The following ACSL5 variants were observed in gnomAD, a reference collection of about 807,000 sequenced individuals.
The protein encoded by ACSL5 is acyl-CoA synthetase long chain family member 5.
Under a neutral mutation model 84.9 loss-of-function variants are expected in ACSL5, and 50 were observed. That is an observed-to-expected ratio of 0.59 (90% CI 0.47 to 0.75). The LOEUF is 0.75. Ranked by LOEUF, ACSL5 falls within the 30% of genes least tolerant of loss-of-function variation. The probability of loss-of-function intolerance (pLI) is 0.00; values close to 1 mark genes in which losing one functional copy is unlikely to be tolerated. For missense variants in ACSL5, 775 were observed against 830.4 expected (o/e 0.93, Z 0.82); for synonymous variants, 280 against 300.7 (o/e 0.93, Z 0.71).
At chr10:112,414,635 T>C (rs1844273861) in intron 12 of ACSL5, among the ~76,000 whole-genome samples, 1 of 152,032 alleles carries the variant, frequency 6.6e-6, no homozygotes. Flanking sequence ...TAGTCTTTCT[T>C]CTTGATCTTC....
Position 112,425,333 on chromosome 10 carries a change from T to G in ACSL5, c.1594-5T>G. The G allele has an allele frequency of 6.2e-7, 1 of 1,609,642 alleles. No homozygotes were observed. The highest frequency in any genetic ancestry group is 2.2e-5 in the East Asian group (1 of 44,548). On this transcript the variant is annotated splice_region_variant and splice_polypyrimidine_tract_variant and intron_variant, in intron 17 of 20. Coordinates refer to ENST00000354655, the MANE Select transcript of ACSL5 (RefSeq NM_203379.2). The stretch of plus-strand genomic sequence containing the variant: ...AATACTGATACTTTTATCTGTCTCA[T>G]GTAGAATGGAACTCTGAAGATCATC...
intron 1 of ACSL5, among the ~76,000 whole-genome samples, chr10:112,387,877 CA>C (rs986126428): frequency 4.2e-5 from 6 of 144,556 alleles, no homozygotes; most frequent in Non-Finnish European, 7.6e-5. Context: ...TATTATTGCA[CA>C]AAAAAATAAT....
intron 3 of ACSL5, among the ~76,000 whole-genome samples, chr10:112,399,212 C>G (rs992976892): frequency 6.6e-6 from 1 of 152,216 alleles, no homozygotes; most frequent in Non-Finnish European, 1.5e-5. Flanking sequence ...AGGTTTGAAA[C>G]CTGGTTCTTC....
At chr10:112,409,404 C>T in intron 6 of ACSL5, 103 bp from the exon 7 acceptor site, 1 of 968,966 alleles carries the variant, frequency 1.0e-6, no homozygotes, top group Non-Finnish European at 1.6e-6. Flanking sequence ...CTCCTTTGGA[C>T]ACCTGTTAGC....
chr10:112,424,323 T>C (rs1275780408), intron 17 of ACSL5: 1 of 152,206 alleles, frequency 6.6e-6, no homozygotes, highest in African/African-American at 2.4e-5. Flanking sequence ...GCTGGGGAAG[T>C]GGGAATGTCA....
rs767909072 is a variant in ACSL5, at chr10:112,410,646, A to G, written c.796+11A>G. On this transcript the variant is annotated intron_variant, in intron 9 of 20. Transcript: ENST00000354655. ...CCAGTGGGACCACAGGTCTGTGCCCATGAAACTGAACCTTAGACCCCTGGT... is the reference window on the plus strand; with the variant it reads ...CCAGTGGGACCACAGGTCTGTGCCCGTGAAACTGAACCTTAGACCCCTGGT... The G allele has an allele frequency of 1.1e-5, 18 of 1,612,000 alleles. No individual in the cohort carries two copies. Among genetic ancestry groups the G allele is most frequent in the South Asian group, 6.6e-5 (6 of 90,706 alleles).
Position 112,409,634 on chromosome 10 carries a change from G to T in ACSL5, c.660G>T (p.Lys220Asn), listed in dbSNP as rs1564739225. 6.8e-6 allele frequency: 11 copies of T among 1,614,180 alleles called. No individual in the cohort carries two copies. The highest frequency in any genetic ancestry group is 9.3e-6 in the Non-Finnish European group (11 of 1,180,006). ...ILMDPFDDDL[K>N]QRGEKSGIEI... is the part of the protein sequence containing the mutation. ...TGGACCCCTTTGATGATGACCTGAA[G>T]CAAAGAGGGGAGAAGAGTGGAATTG... Residue 220 changes from lysine (K) to asparagine (N), a missense_variant, in exon 7 of 21, where the codon AAG (lysine) becomes AAT (asparagine). Transcript: ENST00000354655.
intron 1 of ACSL5, chr10:112,376,544 G>C: frequency 6.4e-7 from 1 of 1,551,912 alleles, no homozygotes; most frequent in Non-Finnish European, 8.8e-7. Context: ...CTTTCTTTAA[G>C]CGACTTAGAA....
chr10:112,419,702 T>C (rs1388871174), intron 14 of ACSL5: 2 of 152,212 alleles, frequency 1.3e-5, no homozygotes, highest in Non-Finnish European at 2.9e-5. Flanking sequence ...GTTGGAAACA[T>C]TTTTCCTGGT....
intron 3 of ACSL5, among the ~76,000 whole-genome samples, chr10:112,403,524 G>A (rs1480326836): frequency 6.6e-6 from 1 of 152,304 alleles, no homozygotes; most frequent in African/African-American, 2.4e-5. Flanking sequence ...AACCTCAGGT[G>A]ATCTGCCCGC....
chr10:112,404,532 A>G lies in ACSL5; in HGVS notation c.287A>G (p.Tyr96Cys). 1 of 1,613,748 alleles carries G rather than the reference A, an allele frequency of 6.2e-7. No homozygotes were observed. The highest frequency in any genetic ancestry group is 8.5e-7 in the Non-Finnish European group (1 of 1,179,676). The change falls in exon 4 of 21, where the codon TAT (tyrosine) becomes TGT (cysteine). Residue 96 changes from tyrosine (Y) to cysteine (C), a missense_variant. Transcript: ENST00000354655. ...AVSDNGPCLG[Y>C]RKPNQPYRWL... ...TTAGACAATGGGCCCTGCTTGGGAT[A>G]TAGAAAACCAAACCAGCCCTACAGA...
At chr10:112,417,750 T>TGA (rs1035558067) in intron 13 of ACSL5, 96 bp from the exon 14 acceptor site, 219 of 928,778 alleles carry the variant, frequency 2.4e-4, no homozygotes, top group Admixed American at 1.7e-4. Flanking sequence ...TTAATTCTCA[T>TGA]AACAACGCTG....
At position 112,421,744 on chromosome 10, in the gene ACSL5, A is replaced by G. The variant is rs989228250; in HGVS notation, c.1387+79A>G. On this transcript the variant is annotated intron_variant, in intron 15 of 20. Transcript: ENST00000354655. ...ACTGAACTAGGACTTTGGAGTTTAGATAACTTCAGTTCTCTGGACTAATGT... is the reference window on the plus strand; with the variant it reads ...ACTGAACTAGGACTTTGGAGTTTAGGTAACTTCAGTTCTCTGGACTAATGT... 4 of 1,464,998 alleles carry G rather than the reference A, an allele frequency of 2.7e-6. No homozygotes were observed. The African/African-American group carries it at 4.2e-5, about 15-fold the overall frequency. The allele number at this position is 1,464,998 out of a possible 1,614,324, so 90.7% of individuals were successfully genotyped here.
At chr10:112,411,572 T>C (rs746949040) in intron 10 of ACSL5, 43 bp downstream of exon 10, 43 of 1,561,128 alleles carry the variant, frequency 2.8e-5, no homozygotes, top group Middle Eastern at 1.7e-4. Flanking sequence ...AAAATGTGAA[T>C]CTGTCATAAG....
At chr10:112,404,679 T>C (rs1843988849) in intron 4 of ACSL5, 26 bp from the exon 5 acceptor site, 6 of 1,608,090 alleles carry the variant, frequency 3.7e-6, no homozygotes, top group Non-Finnish European at 5.1e-6. Flanking sequence ...TCTCTCTCTC[T>C]CTCACCCCAT....
At chr10:112,388,455 T>G (rs940652862) in intron 1 of ACSL5, among the ~76,000 whole-genome samples, 4 of 152,184 alleles carry the variant, frequency 2.6e-5, no homozygotes. Context: ...GAATGACTTC[T>G]TATGATCTAA....
chr10:112,398,460 A>G (rs983297822), intron 2 of ACSL5, among the ~76,000 whole-genome samples: 2 of 151,170 alleles, frequency 1.3e-5, no homozygotes, highest in African/African-American at 4.9e-5. Flanking sequence ...GCTGGAGTGC[A>G]GTGGCGCGAT....
intron 1 of ACSL5, among the ~76,000 whole-genome samples, chr10:112,394,273 G>T (rs1843700182): frequency 6.6e-6 from 1 of 152,218 alleles, no homozygotes; most frequent in African/African-American, 2.4e-5. Context: ...TTGCCTCACA[G>T]TAAAATGATT....
chr10:112,414,490 G>A (rs1844271020), intron 12 of ACSL5, among the ~76,000 whole-genome samples: 1 of 151,676 alleles, frequency 6.6e-6, no homozygotes, highest in Non-Finnish European at 1.5e-5. Flanking sequence ...TGAGAGCTGG[G>A]ATTATAGGCG....
Sources: allele counts gnomAD v4.1 joint callset (sites outside exome capture counted in the v4.1 genomes callset), GRCh38; gene constraint gnomAD v4.1.1; transcripts MANE v1.5; gene names NCBI Gene and HGNC (gene_info 2026-07-23, HGNC 2026-07-21).